The following PPP1R12A variants were observed in gnomAD, a reference collection of about 807,000 sequenced individuals.
The protein encoded by PPP1R12A is myosin binding subunit.
In PPP1R12A, 19 loss-of-function variants were observed where a neutral mutation model predicts 139.6. The observed-to-expected ratio is 0.14, with a 90% CI of 0.09 to 0.20. PPP1R12A has a LOEUF of 0.20. Among genes scored for constraint, PPP1R12A ranks in the 10% least tolerant of loss-of-function variants. The pLI is 1.00. For missense variants in PPP1R12A, 925 were observed against 1,211.5 expected, an observed-to-expected ratio of 0.76 and a Z score of 3.51; for synonymous variants, 427 against 420.6, an observed-to-expected ratio of 1.02 and a Z score of -0.19.
At chr12:79,802,020 A>C (rs1262742348) in intron 14 of PPP1R12A, among the ~76,000 whole-genome samples, 1 of 152,210 alleles carries the variant, frequency 6.6e-6, no homozygotes, top group East Asian at 1.9e-4. Flanking sequence ...TCCTGGGACA[A>C]GTAATTCAAA....
At chr12:79,898,414 C>G (rs1272080294) in intron 1 of PPP1R12A, among the ~76,000 whole-genome samples, 1 of 152,140 alleles carries the variant, frequency 6.6e-6, no homozygotes, top group African/African-American at 2.4e-5. Flanking sequence ...CGAGATGGTG[C>G]CACGGCACTC....
chr12:79,899,486 C>T (rs531225988), intron 1 of PPP1R12A, among the ~76,000 whole-genome samples: 23 of 151,934 alleles, frequency 1.5e-4, no homozygotes, highest in Admixed American at 1.3e-3. Context: ...AATCTTAGAA[C>T]GTATCTTTAT....
At chr12:79,854,221 C>CG (rs368738131) in intron 2 of PPP1R12A, among the ~76,000 whole-genome samples, 38 of 151,656 alleles carry the variant, frequency 2.5e-4, no homozygotes, top group African/African-American at 8.2e-4. Flanking sequence ...GTGTGTGTGG[C>CG]GGGGGGGCAG....
At chr12:79,813,749 C>T (rs192076809) in intron 9 of PPP1R12A, among the ~76,000 whole-genome samples, 177 of 152,306 alleles carry the variant, frequency 1.2e-3, no homozygotes, top group African/African-American at 4.2e-3. Context: ...AGAAACAGTT[C>T]TTTAATTTCA....
Position 79,925,125 on chromosome 12 carries a change from A to G in PPP1R12A, c.237+9570T>C, listed in dbSNP as rs1887733565. On this transcript the variant is annotated intron_variant, in intron 1 of 24. Transcript: ENST00000450142. ...GTTCTGGAGCTGAAACTCCAACAGA[A>G]AAGCTCTAGAAGTGTTCCATGCAAG... 1.3e-5 allele frequency among the ~76,000 whole-genome samples: 2 copies of G among 152,246 alleles called. 1 individual carries two copies. The highest frequency in any genetic ancestry group is 4.1e-4 in the South Asian group (2 of 4,838).
At chr12:79,796,300 A>G (rs2137025232) in intron 17 of PPP1R12A, among the ~76,000 whole-genome samples, 1 of 152,300 alleles carries the variant, frequency 6.6e-6, no homozygotes, top group East Asian at 1.9e-4. Flanking sequence ...AATGAGTATC[A>G]ATATGCCAAT....
At chr12:79,848,428 G>T (rs945877235) in intron 2 of PPP1R12A, among the ~76,000 whole-genome samples, 2 of 151,978 alleles carry the variant, frequency 1.3e-5, no homozygotes, top group Non-Finnish European at 2.9e-5. Context: ...AGGATACAAA[G>T]ATTGAGAATA....
intron 2 of PPP1R12A, among the ~76,000 whole-genome samples, chr12:79,857,597 A>T (rs930013631): frequency 3.3e-5 from 5 of 151,914 alleles, no homozygotes; most frequent in Admixed American, 6.6e-5. Flanking sequence ...TAATAAAAAA[A>T]TAATAAAATA....
intron 14 of PPP1R12A, among the ~76,000 whole-genome samples, chr12:79,805,049 GCTTT>G (rs1873658234): frequency 6.6e-6 from 1 of 152,108 alleles, no homozygotes; most frequent in Non-Finnish European, 1.5e-5. Flanking sequence ...CTGAATAAGT[GCTTT>G]CTATGTATCA....
chr12:79,934,513 G>A (rs969749661), intron 1 of PPP1R12A, among the ~76,000 whole-genome samples, 182 bp downstream of exon 1: 2 of 152,198 alleles, frequency 1.3e-5, no homozygotes, highest in African/African-American at 4.8e-5. Flanking sequence ...GGGGCCTCAA[G>A]CCCAGCGCCC....
In PPP1R12A at chr12:79,775,891, AAT is replaced by A; in HGVS notation, c.*36_*37del. On this transcript the variant is annotated 3_prime_UTR_variant, in exon 25 of 25. Transcript: ENST00000450142. ...GCCAATTATGGTCCACTGGGTTACT[AAT>A]ATGTGCAATTCCATTACTTGCTGCT... The A allele has an allele frequency of 2.8e-6, 4 of 1,416,484 alleles. No homozygotes were observed. Among genetic ancestry groups the A allele is most frequent in the Non-Finnish European group, 3.8e-6 (4 of 1,039,512 alleles). 87.7% of individuals were successfully genotyped at this position (1,416,484 alleles called of 1,614,324 possible).
intron 1 of PPP1R12A, among the ~76,000 whole-genome samples, chr12:79,893,995 C>A (rs1565802263): frequency 6.6e-6 from 1 of 152,140 alleles, no homozygotes; most frequent in Non-Finnish European, 1.5e-5. Flanking sequence ...AGCAGGAGTT[C>A]CATGGCAGAA....
At chr12:79,918,908 G>T (rs945564391) in intron 1 of PPP1R12A, among the ~76,000 whole-genome samples, 1 of 152,236 alleles carries the variant, frequency 6.6e-6, no homozygotes, top group African/African-American at 2.4e-5. Context: ...TTGAGGTCAG[G>T]AGTTTGAGAC....
At chr12:79,885,453 A>C (rs996917256) in intron 1 of PPP1R12A, among the ~76,000 whole-genome samples, 1 of 152,162 alleles carries the variant, frequency 6.6e-6, no homozygotes, top group Non-Finnish European at 1.5e-5. Context: ...ATTATGAAAC[A>C]GTTAAATGGC....
At chr12:79,781,993 A>C in intron 22 of PPP1R12A, 131 bp from the exon 23 acceptor site, 1 of 469,088 alleles carries the variant, frequency 2.1e-6, no homozygotes. Flanking sequence ...TGAGTAAAGC[A>C]AAGAGAAAAC....
chr12:79,902,342 TTA>T (rs1300722260), intron 1 of PPP1R12A, among the ~76,000 whole-genome samples: 13 of 152,174 alleles, frequency 8.5e-5, no homozygotes, highest in African/African-American at 3.1e-4. Context: ...GTACTGCGTT[TTA>T]TATATTATTT....
chr12:79,925,256 G>A (rs1179671635), intron 1 of PPP1R12A, among the ~76,000 whole-genome samples: 1 of 151,726 alleles, frequency 6.6e-6, no homozygotes, highest in Non-Finnish European at 1.5e-5. Flanking sequence ...GAGTGCATAC[G>A]TGTACGTGTG....
chr12:79,803,689 A>G (rs765268517), intron 14 of PPP1R12A, among the ~76,000 whole-genome samples: 4 of 152,174 alleles, frequency 2.6e-5, no homozygotes, highest in African/African-American at 4.8e-5. Flanking sequence ...AACACAAACA[A>G]TATCACTGCA....
chr12:79,816,536 T>C (rs1016476181), intron 9 of PPP1R12A, among the ~76,000 whole-genome samples: 7 of 151,890 alleles, frequency 4.6e-5, no homozygotes, highest in Non-Finnish European at 7.4e-5. Flanking sequence ...CTCTTAATCG[T>C]TAATTTGGGT....
Sources: allele counts gnomAD v4.1 joint callset (sites outside exome capture counted in the v4.1 genomes callset), GRCh38; gene constraint gnomAD v4.1.1; transcripts MANE v1.5; gene names NCBI Gene and HGNC (gene_info 2026-07-23, HGNC 2026-07-21).